MAX: variants seen among roughly 807,000 people sequenced by gnomAD.
MAX encodes MYC associated transcriptional regulator X.
Under a neutral mutation model 22.3 loss-of-function variants are expected in MAX, and 3 were observed. The ratio of observed to expected loss-of-function variants is 0.13; its 90% CI spans 0.06 to 0.35. MAX has a LOEUF of 0.35. Among genes scored for constraint, MAX ranks in the 10% least tolerant of loss-of-function variants. The probability of loss-of-function intolerance (pLI) is 1.00; values close to 1 mark genes in which losing one functional copy is unlikely to be tolerated. For missense variants in MAX, 119 were observed against 209.4 expected (o/e 0.57, Z 2.66); for synonymous variants, 72 against 77.7 (o/e 0.93, Z 0.39).
chr14:65,096,982 C>T (rs534809622), intron 2 of MAX, among the ~76,000 whole-genome samples: 1 of 152,270 alleles, frequency 6.6e-6, no homozygotes, highest in South Asian at 2.1e-4. Context: ...TGCCAGAAAA[C>T]CCTTCCTCCA....
rs1276582423 is a variant in MAX, at chr14:65,079,125, G to C, written c.172-1089C>G. Among the ~76,000 whole-genome samples, 1 of 152,194 alleles carries C rather than the reference G, an allele frequency of 6.6e-6. No homozygotes were observed. The highest frequency in any genetic ancestry group is 1.5e-5 in the Non-Finnish European group (1 of 68,038). ...AAGCTTTAGGTCACTAATTCTGCTA[G>C]GGCCTGGCTTGAGACAGGAATGGGT... is the stretch of plus-strand genomic sequence containing the variant. On this transcript the variant is annotated intron_variant, in intron 3 of 4. Coordinates refer to ENST00000358664, the MANE Select transcript of MAX (RefSeq NM_002382.5). The surrounding 1 kb of genome is among the most constrained non-coding windows in gnomAD (Gnocchi z 4.5).
rs571020746 is a variant in MAX at position 65,030,598 on chromosome 14, C to T, written c.172-24314G>A. ...TACAAAAAATTTTTAAAAAATTAGC[C>T]AGGTGTGGTGGCATGCATCTGTAGC... On this transcript the variant is annotated intron_variant, in intron 3 of 3. Transcript: ENST00000341653. This position sits in a 1 kb window ranked among gnomAD's most constrained non-coding sequence, Gnocchi z 4.5. 1.5e-3 allele frequency among the ~76,000 whole-genome samples: 227 copies of T among 152,092 alleles called. No homozygotes were observed. Among genetic ancestry groups the T allele is most frequent in the African/African-American group, 5.1e-3 (212 of 41,510 alleles).
intron 3 of MAX, among the ~76,000 whole-genome samples, chr14:65,017,869 C>T (rs950218194): frequency 6.6e-6 from 1 of 151,972 alleles, no homozygotes; most frequent in African/African-American, 2.4e-5. Context: ...GCAGGAGAAT[C>T]GCTTGAACCT....
rs1283034452 is a variant in MAX at position 65,028,913 on chromosome 14, A to G, written c.172-22629T>C. On this transcript the variant is annotated intron_variant, in intron 3 of 3. Transcript: ENST00000341653. This position sits in a 1 kb window ranked among gnomAD's most constrained non-coding sequence, Gnocchi z 4.4. ...ACGCAGCTTTTAAAAACCTACTAAGATTATTAGGCAAAAGCAAACAAATCA... is the reference window on the plus strand; with the variant it reads ...ACGCAGCTTTTAAAAACCTACTAAGGTTATTAGGCAAAAGCAAACAAATCA... 6.7e-6 allele frequency among the ~76,000 whole-genome samples: 1 copy of G among 150,216 alleles called. No individual in the cohort carries two copies. Among genetic ancestry groups the G allele is most frequent in the Middle Eastern group, 3.2e-3 (1 of 310 alleles).
chr14:65,044,065 G>A lies in MAX; in HGVS notation c.172-37781C>T, dbSNP rs1448515742. The stretch of plus-strand genomic sequence containing the variant: ...CTGCTTTGGAACCCAGGAAAAGGTA[G>A]TTGTCTGCCAGGCATTGAGCAGAGA... On this transcript the variant is annotated intron_variant, in intron 3 of 3. Transcript: ENST00000341653. The surrounding 1 kb of genome is among the most constrained non-coding windows in gnomAD (Gnocchi z 5.5). Among the ~76,000 whole-genome samples the A allele has an allele frequency of 6.6e-6, 1 of 152,158 alleles. No individual in the cohort carries two copies. Among genetic ancestry groups the A allele is most frequent in the African/African-American group, 2.4e-5 (1 of 41,432 alleles).
At chr14:65,086,021 C>T (rs1028041163) in intron 3 of MAX, among the ~76,000 whole-genome samples, 2 of 152,110 alleles carry the variant, frequency 1.3e-5, no homozygotes, top group Non-Finnish European at 2.9e-5. Context: ...CCATGTTGTT[C>T]TTGTGATAGG....
rs34879850 is a variant in MAX, at chr14:65,047,978, A to ATT, written c.172-41696_172-41695dup. ...AGACAGAAGGAGGGAGACTTTTTAGATTTTTTTTTTTTTTTTTTTTTTTTT... is the reference window on the plus strand; with the variant it reads ...AGACAGAAGGAGGGAGACTTTTTAGATTTTTTTTTTTTTTTTTTTTTTTTTTT... On this transcript the variant is annotated intron_variant, in intron 3 of 3. Coordinates refer to the MAX transcript ENST00000341653. This position sits in a 1 kb window ranked among gnomAD's most constrained non-coding sequence, Gnocchi z 5.2. 1.4e-3 allele frequency among the ~76,000 whole-genome samples: 91 copies of ATT among 64,140 alleles called. 1 individual carries two copies. The highest frequency in any genetic ancestry group is 2.6e-3 in the East Asian group (5 of 1,954). 42.1% of individuals were successfully genotyped at this position (64,140 alleles called of 152,430 possible). A position where few individuals can be genotyped will look rare whatever the true frequency, so the allele number is the denominator to read the frequency against.
intron 3 of MAX, chr14:65,089,821 G>C (rs1303696465): frequency 7.9e-6 from 1 of 126,784 alleles, no homozygotes; most frequent in Non-Finnish European, 1.6e-5. Flanking sequence ...GGGGGCCACA[G>C]TTGATCTTGC....
intron 3 of MAX, among the ~76,000 whole-genome samples, chr14:65,037,214 C>T (rs952135568): frequency 2.0e-5 from 3 of 151,284 alleles, no homozygotes; most frequent in African/African-American, 7.3e-5. Flanking sequence ...AGCAATTCTC[C>T]TGCCTCAGCC....
rs2062690172 is a variant in MAX at position 65,054,701 on chromosome 14, G to A, written c.171+39007C>T. On this transcript the variant is annotated intron_variant, in intron 3 of 3. Transcript: ENST00000341653. This position sits in a 1 kb window ranked among gnomAD's most constrained non-coding sequence, Gnocchi z 4.4. ...CCGAAAACGCTCTGGTAAGACGGGT[G>A]CAGGGCTTCACACCCCTTCTCCACA... The A allele has an allele frequency of 8.1e-6, 13 of 1,597,802 alleles. No individual in the cohort carries two copies. The highest frequency in any genetic ancestry group is 1.1e-5 in the South Asian group (1 of 88,422).
intron 3 of MAX, chr14:65,015,434 TA>T: frequency 3.7e-6 from 1 of 269,214 alleles, no homozygotes; most frequent in Non-Finnish European, 6.8e-6. Flanking sequence ...TTTTTTTTTT[TA>T]ACAGATGGTC....
At chr14:65,094,008 C>T (rs553520868) in intron 2 of MAX, 193 bp from the exon 3 acceptor site, 9 of 635,214 alleles carry the variant, frequency 1.4e-5, no homozygotes, top group South Asian at 8.5e-5. Flanking sequence ...GGGTGAGCAA[C>T]GCTTGCGACA....
At position 65,012,971 on chromosome 14, in the gene MAX, A is replaced by T. The variant is rs965347566; in HGVS notation, c.172-6687T>A. ...TACTGTTTAAGAGTAGATCTTTAATATTTCCCAGAGCAACGTCAGGACTGG... is the reference window on the plus strand; with the variant it reads ...TACTGTTTAAGAGTAGATCTTTAATTTTTCCCAGAGCAACGTCAGGACTGG... On this transcript the variant is annotated intron_variant, in intron 3 of 3. Coordinates refer to the MAX transcript ENST00000341653. This position sits in a 1 kb window ranked among gnomAD's most constrained non-coding sequence, Gnocchi z 5.0. Among the ~76,000 whole-genome samples the T allele has an allele frequency of 6.6e-6, 1 of 152,090 alleles. No homozygotes were observed. Among genetic ancestry groups the T allele is most frequent in the Middle Eastern group, 3.2e-3 (1 of 316 alleles).
chr14:65,064,596 G>A (rs1398357700), intron 3 of MAX, among the ~76,000 whole-genome samples: 1 of 152,198 alleles, frequency 6.6e-6, no homozygotes, highest in Non-Finnish European at 1.5e-5. Context: ...GTATCATTGT[G>A]TTTCACTGGC....
chr14:65,088,640 C>A lies in MAX; in HGVS notation c.171+5068G>T, dbSNP rs953222450. 2.0e-5 allele frequency among the ~76,000 whole-genome samples: 3 copies of A among 152,170 alleles called. No individual in the cohort carries two copies. Among genetic ancestry groups the A allele is most frequent in the Non-Finnish European group, 4.4e-5 (3 of 68,032 alleles). On this transcript the variant is annotated intron_variant, in intron 3 of 4. Coordinates refer to ENST00000358664, the MANE Select transcript of MAX (RefSeq NM_002382.5). The surrounding 1 kb of genome is among the most constrained non-coding windows in gnomAD (Gnocchi z 5.2). ...GAGCCATCTCCCAAAATAATGTGGC[C>A]AGGTTGATGGGGGATTCCTCCCCTC... is the stretch of plus-strand genomic sequence containing the variant.
chr14:65,101,585 A>AG lies in MAX; in HGVS notation c.37-14dup, dbSNP rs1333716177. 10 of 1,576,654 alleles carry AG rather than the reference A, an allele frequency of 6.3e-6. No individual in the cohort carries two copies. The highest frequency in any genetic ancestry group is 3.4e-5 in the Admixed American group (2 of 58,760). On this transcript the variant is annotated splice_polypyrimidine_tract_variant and intron_variant, in intron 1 of 4. Transcript: ENST00000358664. Reference sequence around the variant, plus strand: ...TCGGTTGCTCTTCCTGGAATAAGAGAGAAAAAAAAAAATAGAAAATATAGA... The same window carrying AG: ...TCGGTTGCTCTTCCTGGAATAAGAGAGGAAAAAAAAAAATAGAAAATATAGA...
intron 3 of MAX, among the ~76,000 whole-genome samples, chr14:65,046,540 A>G (rs887087766): frequency 2.6e-5 from 4 of 152,152 alleles, no homozygotes; most frequent in African/African-American, 7.2e-5. Context: ...AGCTTTGTCT[A>G]TGGAAAAGGG....
intron 3 of MAX, among the ~76,000 whole-genome samples, chr14:65,035,294 G>A (rs72728257): frequency 0.099 from 15,031 of 152,192 alleles, 991 homozygotes; most frequent in Admixed American, 0.17. Flanking sequence ...GGGACTAACT[G>A]CATGCTGTTC....
At chr14:65,094,838 C>T (rs1236233620) in intron 2 of MAX, among the ~76,000 whole-genome samples, 1 of 152,230 alleles carries the variant, frequency 6.6e-6, no homozygotes, top group Non-Finnish European at 1.5e-5. Flanking sequence ...CACCTACACT[C>T]TAGGAATTAC....
Sources: gnomAD v4.1 joint callset for allele counts (sites outside exome capture counted in the v4.1 genomes callset) on GRCh38, gnomAD v4.1.1 for gene constraint, Gnocchi (gnomAD v3.1) non-coding constraint, MANE v1.5 for transcripts, NCBI Gene and HGNC (gene_info 2026-07-23, HGNC 2026-07-21) for gene names.